MS4A12: variants seen among roughly 807,000 people sequenced by gnomAD.
The protein encoded by MS4A12 is membrane-spanning 4-domains subfamily A member 12.
Under a neutral mutation model 23.7 loss-of-function variants are expected in MS4A12, and 28 were observed. That is an observed-to-expected ratio of 1.18 (90% CI 0.88 to 1.62). The LOEUF (loss-of-function observed/expected upper bound fraction) is 1.62. Among genes scored for constraint, MS4A12 ranks in the 40% most tolerant of loss-of-function variants. The pLI is 0.00. For missense variants in MS4A12, 342 were observed against 327.0 expected (o/e 1.05, Z -0.35); for synonymous variants, 108 against 110.1 (o/e 0.98, Z 0.12).
intron 2 of MS4A12, 189 bp downstream of exon 2, chr11:60,497,783 T>A (rs985388934): frequency 1.5e-6 from 1 of 652,894 alleles, no homozygotes; most frequent in Non-Finnish European, 2.5e-6. Context: ...AGCAAAAATA[T>A]AACAAGACAC....
intron 1 of MS4A12, among the ~76,000 whole-genome samples, chr11:60,496,354 T>C (rs116684682): frequency 5.3e-5 from 8 of 152,234 alleles, no homozygotes; most frequent in Non-Finnish European, 8.8e-5. Flanking sequence ...ACAAATTTTT[T>C]AAGTGTCATA....
rs1345593700 is a variant in MS4A12, at chr11:60,497,696, T to C, written c.276+102T>C. On this transcript the variant is annotated intron_variant, in intron 2 of 6. Coordinates refer to ENST00000016913, the MANE Select transcript of MS4A12 (RefSeq NM_017716.3). ...ATTGCTAAAAAGTTCTGAACGTTATTCTGAAATTATCTCTTTTAGACAGAA... is the reference window on the plus strand; with the variant it reads ...ATTGCTAAAAAGTTCTGAACGTTATCCTGAAATTATCTCTTTTAGACAGAA... The C allele has an allele frequency of 3.3e-6, 4 of 1,214,714 alleles. No individual in the cohort carries two copies. The African/African-American group carries it at 4.6e-5, about 14-fold the overall frequency. The allele number at this position is 1,214,714 out of a possible 1,614,324, so 75.2% of individuals were successfully genotyped here.
intron 2 of MS4A12, among the ~76,000 whole-genome samples, chr11:60,498,311 G>C (rs2086505048): frequency 2.0e-5 from 3 of 152,146 alleles, no homozygotes; most frequent in Admixed American, 6.5e-5. Flanking sequence ...TGCTCTGCTG[G>C]AGCATTCCGT....
chr11:60,494,820 T>G (rs1230629783), intron 1 of MS4A12, among the ~76,000 whole-genome samples: 1 of 152,118 alleles, frequency 6.6e-6, no homozygotes, highest in Non-Finnish European at 1.5e-5. Flanking sequence ...AGATTGAAGA[T>G]TAGAAAAGAG....
At position 60,507,260 on chromosome 11, in the gene MS4A12, C is replaced by T. The variant is rs1008769580; in HGVS notation, c.*136C>T. ...GTTTGAGATTTGTTTTTAGGTTGGT[C>T]GCTAATGATGGCTGTATCTCCCTTC... On this transcript the variant is annotated 3_prime_UTR_variant, in exon 7 of 7. Transcript: ENST00000016913. The T allele has an allele frequency of 5.1e-5, 35 of 691,908 alleles. No individual in the cohort carries two copies. The highest frequency in any genetic ancestry group is 4.8e-4 in the African/African-American group (27 of 55,784). The allele number at this position is 691,908 out of a possible 1,614,324, so 42.9% of individuals were successfully genotyped here. A position where few individuals can be genotyped will look rare whatever the true frequency, so the allele number is the denominator to read the frequency against.
At chr11:60,494,297 G>A (rs2086471674) in intron 1 of MS4A12, among the ~76,000 whole-genome samples, 1 of 152,100 alleles carries the variant, frequency 6.6e-6, no homozygotes, top group African/African-American at 2.4e-5. Context: ...CTAAACAGCA[G>A]ATATGAAAGG....
intron 5 of MS4A12, 65 bp from the exon 6 acceptor site, chr11:60,506,662 AC>A: frequency 8.0e-7 from 1 of 1,242,940 alleles, no homozygotes; most frequent in Non-Finnish European, 1.2e-6. Flanking sequence ...TGAGTCAATA[AC>A]TTTTTGAAGC....
chr11:60,506,896 T>C (rs1287223368), intron 6 of MS4A12, 58 bp downstream of exon 6: 4 of 1,550,694 alleles, frequency 2.6e-6, no homozygotes, highest in Non-Finnish European at 3.6e-6. Context: ...AAATACAGAC[T>C]TGTGTCTGCT....
intron 2 of MS4A12, among the ~76,000 whole-genome samples, chr11:60,498,480 A>G (rs532518123): frequency 2.6e-5 from 4 of 152,312 alleles, no homozygotes; most frequent in African/African-American, 9.6e-5. Context: ...CCTCCCAGAT[A>G]GAGGAAATTC....
chr11:60,497,957 A>G (rs1370533844), intron 2 of MS4A12: 1 of 187,152 alleles, frequency 5.3e-6, no homozygotes, highest in Non-Finnish European at 1.1e-5. Context: ...TTACATAACA[A>G]TGAACAATGA....
intron 6 of MS4A12, 29 bp from the exon 7 acceptor site, chr11:60,506,991 T>A: frequency 6.3e-7 from 1 of 1,578,530 alleles, no homozygotes; most frequent in Non-Finnish European, 8.7e-7. Context: ...GTAGTAACCA[T>A]ATTGCTTGTT....
chr11:60,493,450 T>C (rs552163331), intron 1 of MS4A12, among the ~76,000 whole-genome samples: 2 of 151,026 alleles, frequency 1.3e-5, no homozygotes, highest in Admixed American at 1.3e-4. Flanking sequence ...TCCATGAACA[T>C]GGGCCCAAAA....
At chr11:60,496,956 C>T (rs1012451871) in intron 1 of MS4A12, among the ~76,000 whole-genome samples, 2 of 152,158 alleles carry the variant, frequency 1.3e-5, no homozygotes, top group Non-Finnish European at 1.5e-5. Flanking sequence ...ATTAGAGTCT[C>T]ATAAGGAGCA....
chr11:60,501,690 A>T (rs1471281399), intron 3 of MS4A12, among the ~76,000 whole-genome samples: 1 of 152,172 alleles, frequency 6.6e-6, no homozygotes, highest in African/African-American at 2.4e-5. Context: ...CTCTAAAAAA[A>T]TTTTTTAATT....
chr11:60,500,847 A>C (rs1219206466), intron 2 of MS4A12, among the ~76,000 whole-genome samples, 198 bp from the exon 3 acceptor site: 2 of 152,236 alleles, frequency 1.3e-5, no homozygotes, highest in African/African-American at 4.8e-5. Flanking sequence ...AGGGCGTTTC[A>C]CTAAGGGCCT....
chr11:60,507,029 G>T lies in MS4A12; in HGVS notation c.709G>T (p.Val237Phe). The T allele has an allele frequency of 6.2e-7, 1 of 1,612,788 alleles. No homozygotes were observed. The highest frequency in any genetic ancestry group is 8.5e-7 in the Non-Finnish European group (1 of 1,178,888). ...TATTCATTCTTTCCAGTCTGTCCTG[G>T]TTATTCCAAATATGTATGAAAGCAA... Reference protein sequence around the residue: ...ANTTTNMSVLVIPNMYESNPV... With the variant: ...ANTTTNMSVLFIPNMYESNPV... Residue 237 changes from valine (V) to phenylalanine (F), a missense_variant, in exon 7 of 7, where the codon GTT becomes TTT. Coordinates refer to ENST00000016913, the MANE Select transcript of MS4A12 (RefSeq NM_017716.3).
intron 2 of MS4A12, among the ~76,000 whole-genome samples, chr11:60,500,828 C>T (rs1262159399): frequency 1.3e-5 from 2 of 152,202 alleles, no homozygotes; most frequent in Admixed American, 6.5e-5. Flanking sequence ...TCTCCAAATA[C>T]CTCAAAACAG....
Position 60,503,834 on chromosome 11 carries a change from C to A in MS4A12, c.588+17C>A. On this transcript the variant is annotated intron_variant, in intron 5 of 6. Transcript: ENST00000016913. ...TGGGCCGTGGTAAGTATCCCATACTCCACCATGTGCCTGCTCTATTTTCAG... is the reference window on the plus strand; with the variant it reads ...TGGGCCGTGGTAAGTATCCCATACTACACCATGTGCCTGCTCTATTTTCAG... The A allele has an allele frequency of 5.7e-6, 9 of 1,590,766 alleles. No homozygotes were observed. Among genetic ancestry groups the A allele is most frequent in the Non-Finnish European group, 7.8e-6 (9 of 1,160,938 alleles).
chr11:60,497,898 A>C, intron 2 of MS4A12: 1 of 246,100 alleles, frequency 4.1e-6, no homozygotes, highest in East Asian at 9.8e-5. Context: ...GACAATCTCA[A>C]TCCCATCTCT....
Sources: allele counts gnomAD v4.1 joint callset (sites outside exome capture counted in the v4.1 genomes callset), GRCh38; gene constraint gnomAD v4.1.1; transcripts MANE v1.5; gene names NCBI Gene and HGNC (gene_info 2026-07-23, HGNC 2026-07-21).